The following USP34 variants were observed in gnomAD, a reference collection of about 807,000 sequenced individuals.
The protein encoded by USP34 is ubiquitin specific peptidase 34, also known as ubiquitin carboxyl-terminal hydrolase 34.
In USP34, 70 loss-of-function variants were observed where a neutral mutation model predicts 460.3. The ratio of observed to expected loss-of-function variants is 0.15; its 90% CI spans 0.13 to 0.19. USP34 has a LOEUF of 0.19. Ranked by LOEUF, USP34 falls within the 10% of genes least tolerant of loss-of-function variation. The pLI is 1.00. For synonymous variants in USP34, 1,647 were observed against 1,405.3 expected (o/e 1.17, Z -3.85); for missense variants, 3,985 against 4,236.2 (o/e 0.94, Z 1.65).
intron 65 of USP34, among the ~76,000 whole-genome samples, chr2:61,222,247 A>T (rs1443034099): frequency 6.6e-6 from 1 of 152,212 alleles, no homozygotes; most frequent in Non-Finnish European, 1.5e-5. Flanking sequence ...CATTTTACAA[A>T]AATACTTTTA....
Position 61,300,601 on chromosome 2 carries a change from G to C in USP34, c.4128+350C>G, listed in dbSNP as rs192621071. Among the ~76,000 whole-genome samples, 25 of 150,736 alleles carry C rather than the reference G, an allele frequency of 1.7e-4. No homozygotes were observed. In the East Asian group the frequency reaches 5.1e-3, roughly 31 times the overall value. ...TCATGAGGTCAGGAGTTCAAGACCA[G>C]CCTGACCAACACAGTGAAACCCCAT... On this transcript the variant is annotated intron_variant, in intron 29 of 79. Coordinates refer to ENST00000398571, the MANE Select transcript of USP34 (RefSeq NM_014709.4).
chr2:61,245,451 A>G (rs1447311979), intron 50 of USP34, among the ~76,000 whole-genome samples, 163 bp from the exon 51 acceptor site: 1 of 151,678 alleles, frequency 6.6e-6, no homozygotes, highest in African/African-American at 2.4e-5. Flanking sequence ...AATTGGAAAT[A>G]TAATTTTATA....
At chr2:61,333,737 G>A (rs1267401176) in intron 19 of USP34, 145 bp downstream of exon 19, 2 of 464,162 alleles carry the variant, frequency 4.3e-6, no homozygotes, top group Non-Finnish European at 7.4e-6. Context: ...AGGGGTAAGT[G>A]GCAGAAAAAT....
intron 1 of USP34, among the ~76,000 whole-genome samples, chr2:61,447,427 T>C (rs1408047013): frequency 6.6e-6 from 1 of 152,166 alleles, no homozygotes; most frequent in African/African-American, 2.4e-5. Context: ...GCAATTAACA[T>C]TATCAGTCTT....
intron 3 of USP34, among the ~76,000 whole-genome samples, chr2:61,402,971 C>A (rs1351343051): frequency 6.6e-6 from 1 of 151,954 alleles, no homozygotes; most frequent in Non-Finnish European, 1.5e-5. Flanking sequence ...GGGATAGAAA[C>A]TAGAAATTTT....
chr2:61,452,442 A>G (rs1028411546), intron 1 of USP34, among the ~76,000 whole-genome samples: 1 of 147,492 alleles, frequency 6.8e-6, no homozygotes, highest in Admixed American at 7.0e-5. Context: ...CTCGTGCCTC[A>G]GCCTCCCAAG....
chr2:61,309,584 T>C (rs1238468738), intron 27 of USP34, among the ~76,000 whole-genome samples: 2 of 152,200 alleles, frequency 1.3e-5, no homozygotes, highest in African/African-American at 2.4e-5. Flanking sequence ...TTCTTATTTG[T>C]ACTTGGATTG....
At chr2:61,455,803 G>T (rs1695420551) in intron 1 of USP34, among the ~76,000 whole-genome samples, 1 of 152,110 alleles carries the variant, frequency 6.6e-6, no homozygotes, top group Non-Finnish European at 1.5e-5. Flanking sequence ...ATGTTGATAT[G>T]CATTATCTTA....
intron 20 of USP34, 54 bp from the exon 21 acceptor site, chr2:61,325,511 T>A (rs1359451840): frequency 1.6e-6 from 2 of 1,247,566 alleles, no homozygotes; most frequent in Admixed American, 2.9e-5. Context: ...TAATTACTTT[T>A]AAAAATTTAG....
chr2:61,241,473 T>A lies in USP34; in HGVS notation c.6777+87A>T, dbSNP rs1016418240. ...CTACTCAGAATTGCAGATATCAACCTGTAGAACCTGTTCTTACACTACAGT... is the reference window on the plus strand; with the variant it reads ...CTACTCAGAATTGCAGATATCAACCAGTAGAACCTGTTCTTACACTACAGT... On this transcript the variant is annotated intron_variant, in intron 53 of 79. Transcript: ENST00000398571. 3 of 911,016 alleles carry A rather than the reference T, an allele frequency of 3.3e-6. No individual in the cohort carries two copies. The African/African-American group carries it at 5.1e-5, about 16-fold the overall frequency. 56.4% of individuals were successfully genotyped at this position (911,016 alleles called of 1,614,324 possible). A position where few individuals can be genotyped will look rare whatever the true frequency, so the allele number is the denominator to read the frequency against.
chr2:61,412,751 T>C (rs1186168283), intron 2 of USP34, among the ~76,000 whole-genome samples: 2 of 151,874 alleles, frequency 1.3e-5, no homozygotes, highest in Non-Finnish European at 2.9e-5. Context: ...TAGCTGAGCA[T>C]AGTGGCACAT....
chr2:61,387,584 T>G (rs1293589024), intron 5 of USP34, among the ~76,000 whole-genome samples: 1 of 147,250 alleles, frequency 6.8e-6, no homozygotes, highest in Non-Finnish European at 1.5e-5. Flanking sequence ...ATATAAAATA[T>G]ATATATTTAT....
chr2:61,262,009 G>A (rs530991390), intron 43 of USP34, among the ~76,000 whole-genome samples: 5 of 146,862 alleles, frequency 3.4e-5, no homozygotes, highest in Admixed American at 1.4e-4. Context: ...GAGAACTGCC[G>A]GAACCCAGGA....
intron 64 of USP34, 62 bp downstream of exon 64, chr2:61,222,998 G>A (rs1178774689): frequency 1.4e-6 from 2 of 1,438,700 alleles, no homozygotes; most frequent in Non-Finnish European, 1.9e-6. Context: ...CACTCGGCCA[G>A]ATTTCAGGGT....
chr2:61,462,130 C>G (rs1015422690), intron 1 of USP34, among the ~76,000 whole-genome samples: 5 of 151,250 alleles, frequency 3.3e-5, no homozygotes, highest in African/African-American at 9.7e-5. Flanking sequence ...TCACAGCTAC[C>G]CAGGAGGTTG....
At chr2:61,208,836 T>C in intron 70 of USP34, 63 bp downstream of exon 70, 1 of 1,244,376 alleles carries the variant, frequency 8.0e-7, no homozygotes, top group Non-Finnish European at 1.1e-6. Flanking sequence ...GTCTATAAAG[T>C]AAGTCTTGGT....
chr2:61,259,906 C>A, intron 43 of USP34, 130 bp from the exon 44 acceptor site: 5 of 674,922 alleles, frequency 7.4e-6, no homozygotes, highest in South Asian at 2.3e-5. Context: ...AAGAAAAACA[C>A]CAACACATTC....
chr2:61,254,985 G>GT (rs1688687912), intron 48 of USP34, among the ~76,000 whole-genome samples: 1 of 152,140 alleles, frequency 6.6e-6, no homozygotes, highest in South Asian at 2.1e-4. Flanking sequence ...AGCTGAGACT[G>GT]TAAGTGCATG....
intron 27 of USP34, among the ~76,000 whole-genome samples, chr2:61,310,192 C>T (rs73936114): frequency 0.026 from 3,967 of 152,182 alleles, 185 homozygotes; most frequent in African/African-American, 0.091. Context: ...ACACTCTACG[C>T]ACAATATATT....
Sources: allele counts gnomAD v4.1 joint callset (sites outside exome capture counted in the v4.1 genomes callset), GRCh38; gene constraint gnomAD v4.1.1; transcripts MANE v1.5; gene names NCBI Gene and HGNC (gene_info 2026-07-23, HGNC 2026-07-21).